The following COL22A1 variants were observed in gnomAD, a reference collection of about 807,000 sequenced individuals.
The protein encoded by COL22A1 is collagen type XXII alpha 1 chain, also known as collagen alpha-1(XXII) chain.
COL22A1 carries 221 observed loss-of-function variants against 248.9 expected under a neutral mutation model. The observed-to-expected ratio is 0.89, with a 90% CI of 0.80 to 0.99. The LOEUF (loss-of-function observed/expected upper bound fraction) is 0.99, where lower values mean the gene tolerates loss of function less well. Among genes scored for constraint, COL22A1 ranks in the 50% least tolerant of loss-of-function variants. COL22A1 has a pLI of 0.00. For missense variants in COL22A1, 2,240 were observed against 2,179.0 expected (o/e 1.03, Z -0.56); for synonymous variants, 891 against 793.4 (o/e 1.12, Z -2.07).
intron 3 of COL22A1, among the ~76,000 whole-genome samples, chr8:138,862,115 G>A (rs1822530922): frequency 6.6e-6 from 1 of 151,952 alleles, no homozygotes; most frequent in South Asian, 2.1e-4. Context: ...CCACTCGGGA[G>A]GCTGAGGCAG....
intron 3 of COL22A1, among the ~76,000 whole-genome samples, chr8:138,865,819 C>CTG (rs568962528): frequency 1.1e-4 from 13 of 123,378 alleles, no homozygotes; most frequent in South Asian, 2.6e-4. Context: ...GTTTGTATGC[C>CTG]TGTGTGTGTG....
rs774008879 is a variant in COL22A1 at position 138,725,402 on chromosome 8, TCCAGGGGGGCCTGGGACA to T, written c.2160_2177del (p.Val721_Gly726del). ...CCAGTCTTACCGGAGAACCTCCCGG[TCCAGGGGGGCCTGGGACA>T]CCAGGGGGTCCTGGAGGGCCCTGTA... is the stretch of plus-strand genomic sequence containing the variant. On this transcript the variant is annotated inframe_deletion, in exon 24 of 65. Coordinates refer to ENST00000303045, the MANE Select transcript of COL22A1 (RefSeq NM_152888.3). The T allele has an allele frequency of 1.9e-5, 30 of 1,613,890 alleles. No homozygotes were observed. The Admixed American group carries it at 4.8e-4, about 26-fold the overall frequency.
At chr8:138,748,596 C>G (rs1299151586) in intron 22 of COL22A1, among the ~76,000 whole-genome samples, 2 of 152,144 alleles carry the variant, frequency 1.3e-5, no homozygotes, top group African/African-American at 4.8e-5. Flanking sequence ...CAATAAACAC[C>G]ATATCCTACC....
At chr8:138,692,394 T>C (rs1301593148) in intron 35 of COL22A1, among the ~76,000 whole-genome samples, 1 of 151,242 alleles carries the variant, frequency 6.6e-6, no homozygotes, top group Non-Finnish European at 1.5e-5. Flanking sequence ...TGTGCACGTA[T>C]GTACATGTGT....
chr8:138,637,867 A>G lies in COL22A1; in HGVS notation c.3502-1072T>C, dbSNP rs545028355. ...TCACCATCACCATCATTATTATTCC[A>G]TAACCATCATCACCATAATCACTAT... is the stretch of plus-strand genomic sequence containing the variant. On this transcript the variant is annotated intron_variant, in intron 47 of 64. Transcript: ENST00000303045. Among the ~76,000 whole-genome samples the G allele has an allele frequency of 6.6e-5, 10 of 152,248 alleles. No homozygotes were observed. In the South Asian group the frequency reaches 2.1e-3, roughly 32 times the overall value.
rs201779207 is a variant in COL22A1, at chr8:138,720,808, A to C, written c.2302-16T>G. 3 of 1,607,654 alleles carry C rather than the reference A, an allele frequency of 1.9e-6. No individual in the cohort carries two copies. The African/African-American group carries it at 4.0e-5, about 22-fold the overall frequency. ...CTGGTTCTCCCTGGAAGGAATACAG[A>C]GCAAAGTTAACAGGAGACGGGCCAT... On this transcript the variant is annotated splice_polypyrimidine_tract_variant and intron_variant, in intron 26 of 64. Coordinates refer to ENST00000303045, the MANE Select transcript of COL22A1 (RefSeq NM_152888.3).
At chr8:138,700,420 T>G (rs911387872) in intron 31 of COL22A1, among the ~76,000 whole-genome samples, 2 of 152,326 alleles carry the variant, frequency 1.3e-5, no homozygotes, top group Non-Finnish European at 2.9e-5. Flanking sequence ...TCTCCTCAGC[T>G]TCTATGTCCC....
intron 13 of COL22A1, 152 bp downstream of exon 13, chr8:138,780,775 G>C (rs1462635071): frequency 1.4e-6 from 1 of 709,136 alleles, no homozygotes; most frequent in African/African-American, 1.8e-5. Flanking sequence ...ATTAGGCTGA[G>C]CTCCTGGTAT....
chr8:138,910,244 G>C (rs1382560305), intron 1 of COL22A1, among the ~76,000 whole-genome samples: 1 of 152,170 alleles, frequency 6.6e-6, no homozygotes, highest in Non-Finnish European at 1.5e-5. Flanking sequence ...AGAGATGTCG[G>C]TCTGGCCACC....
At chr8:138,660,816 AC>A (rs1564157847) in intron 43 of COL22A1, among the ~76,000 whole-genome samples, 1 of 54,668 alleles carries the variant, frequency 1.8e-5, no homozygotes, top group Non-Finnish European at 5.7e-5. Context: ...ACACATACAC[AC>A]ATACACACAC....
Position 138,619,523 on chromosome 8 carries a change from G to A in COL22A1, c.3772-15C>T. ...CCTGCTTTGCCCTGAGAGTAAGGAA[G>A]AAAAGAAGAGTTTGAGGACAACATT... On this transcript the variant is annotated splice_polypyrimidine_tract_variant and intron_variant, in intron 52 of 64. Transcript: ENST00000303045. 6.2e-7 allele frequency: 1 copy of A among 1,613,190 alleles called. No individual in the cohort carries two copies. Among genetic ancestry groups the A allele is most frequent in the Non-Finnish European group, 8.5e-7 (1 of 1,179,136 alleles).
intron 50 of COL22A1, among the ~76,000 whole-genome samples, chr8:138,627,436 A>C: frequency 6.6e-6 from 1 of 152,136 alleles, no homozygotes; most frequent in East Asian, 1.9e-4. Context: ...TTTATGGAAA[A>C]AGTTTGCCAA....
chr8:138,882,219 T>C (rs1011309309), intron 2 of COL22A1, among the ~76,000 whole-genome samples: 1 of 151,810 alleles, frequency 6.6e-6, no homozygotes, highest in East Asian at 1.9e-4. Flanking sequence ...AAGCAACTCA[T>C]TCCCTCTCTC....
chr8:138,872,367 A>T (rs1478462726), intron 3 of COL22A1, among the ~76,000 whole-genome samples: 3 of 152,242 alleles, frequency 2.0e-5, no homozygotes, highest in Non-Finnish European at 4.4e-5. Flanking sequence ...TCTAATCCAG[A>T]TCATCAACAT....
chr8:138,799,555 G>C (rs556259127), intron 11 of COL22A1, among the ~76,000 whole-genome samples: 1 of 152,174 alleles, frequency 6.6e-6, no homozygotes, highest in South Asian at 2.1e-4. Context: ...TCATCTCTGA[G>C]GCCAATTTTC....
intron 1 of COL22A1, among the ~76,000 whole-genome samples, chr8:138,902,733 T>TCTA (rs1814690055): frequency 1.1e-5 from 1 of 91,566 alleles, no homozygotes; most frequent in African/African-American, 4.2e-5. Flanking sequence ...TAAATATATA[T>TCTA]ATATATACAC....
At chr8:138,629,911 C>A (rs1197469229) in intron 50 of COL22A1, among the ~76,000 whole-genome samples, 1 of 152,162 alleles carries the variant, frequency 6.6e-6, no homozygotes, top group Non-Finnish European at 1.5e-5. Flanking sequence ...CTGTGTGACC[C>A]TGAACTGGCC....
At chr8:138,597,121 A>G in intron 61 of COL22A1, 151 bp from the exon 62 acceptor site, 2 of 630,768 alleles carry the variant, frequency 3.2e-6, no homozygotes, top group Non-Finnish European at 5.6e-6. Context: ...CACATCTCTA[A>G]TCCCTTCCTC....
chr8:138,641,064 C>G (rs1821643374), intron 47 of COL22A1, among the ~76,000 whole-genome samples: 1 of 152,210 alleles, frequency 6.6e-6, no homozygotes, highest in South Asian at 2.1e-4. Flanking sequence ...CATATCTGAC[C>G]TCTCTATATA....
Sources: allele counts gnomAD v4.1 joint callset (sites outside exome capture counted in the v4.1 genomes callset), GRCh38; gene constraint gnomAD v4.1.1; transcripts MANE v1.5; gene names NCBI Gene and HGNC (gene_info 2026-07-23, HGNC 2026-07-21).